ARHGAP35: variants seen among roughly 807,000 people sequenced by gnomAD.
The protein encoded by ARHGAP35 is rho GTPase-activating protein 35.
A neutral mutation model predicts 111.1 loss-of-function variants in ARHGAP35; 15 were observed. That is an observed-to-expected ratio of 0.13 (90% CI 0.09 to 0.21). The LOEUF (loss-of-function observed/expected upper bound fraction) is 0.21, where lower values mean the gene tolerates loss of function less well. Ranked by LOEUF, ARHGAP35 falls within the 10% of genes least tolerant of loss-of-function variation. The pLI is 1.00. For missense variants in ARHGAP35, 1,262 were observed against 1,873.0 expected (o/e 0.67, Z 6.02); for synonymous variants, 643 against 710.3 (o/e 0.91, Z 1.51).
intron 1 of ARHGAP35, among the ~76,000 whole-genome samples, chr19:46,881,227 A>G (rs779961989): frequency 2.0e-5 from 3 of 152,142 alleles, no homozygotes; most frequent in Non-Finnish European, 4.4e-5. Context: ...GGCGTGAGCC[A>G]CTGCGTCCAG....
At chr19:46,943,039 ATT>A (rs79252272) in intron 3 of ARHGAP35, among the ~76,000 whole-genome samples, 30 of 141,210 alleles carry the variant, frequency 2.1e-4, no homozygotes, top group Middle Eastern at 3.7e-3. Flanking sequence ...TAATAATGTG[ATT>A]TTTTTTTTTT....
At chr19:46,903,310 G>A (rs886097655) in intron 1 of ARHGAP35, among the ~76,000 whole-genome samples, 6 of 152,098 alleles carry the variant, frequency 3.9e-5, no homozygotes, top group Non-Finnish European at 5.9e-5. Flanking sequence ...AGTCAGAGTC[G>A]GTCTGCTGAC....
Position 46,962,465 on chromosome 19 carries a change from G to A in ARHGAP35, c.3826+25057G>A, listed in dbSNP as rs184118280. Reference sequence around the variant, plus strand: ...TCAGAGCCAGCTCATGTGTCAAATGGAATTTCTGGTTTTATAGCTTATGCT... The same window carrying A: ...TCAGAGCCAGCTCATGTGTCAAATGAAATTTCTGGTTTTATAGCTTATGCT... On this transcript the variant is annotated intron_variant, in intron 3 of 6. Coordinates refer to ENST00000672722, the MANE Select transcript of ARHGAP35 (RefSeq NM_004491.5). Among the ~76,000 whole-genome samples the A allele has an allele frequency of 3.3e-5, 5 of 152,328 alleles. No homozygotes were observed. In the East Asian group the frequency reaches 9.6e-4, roughly 29 times the overall value.
In ARHGAP35 at chr19:46,888,290, ATATATATATATATATATATATATATAT is replaced by A. The variant is rs2056004470; in HGVS notation, c.-189+27082_-189+27108del. ...TATATATATATATATATATATATATATATATATATATATATATATATATATATAAAATATTGATTTTATACACACACA... is the reference window on the plus strand; with the variant it reads ...TATATATATATATATATATATATATAAAAATATTGATTTTATACACACACA... On this transcript the variant is annotated intron_variant, in intron 1 of 6. Transcript: ENST00000672722. Among the ~76,000 whole-genome samples the A allele has an allele frequency of 2.9e-4, 18 of 61,902 alleles. 2 individuals carry two copies. Among genetic ancestry groups the A allele is most frequent in the South Asian group, 4.5e-4 (1 of 2,208 alleles). 40.6% of individuals were successfully genotyped at this position (61,902 alleles called of 152,430 possible). A position where few individuals can be genotyped will look rare whatever the true frequency, so the allele number is the denominator to read the frequency against.
chr19:46,926,226 C>T lies in ARHGAP35; in HGVS notation c.3681+3870C>T, dbSNP rs999535481. Among the ~76,000 whole-genome samples, 2 of 152,202 alleles carry T rather than the reference C, an allele frequency of 1.3e-5. No individual in the cohort carries two copies. Among genetic ancestry groups the T allele is most frequent in the African/African-American group, 4.8e-5 (2 of 41,436 alleles). On this transcript the variant is annotated intron_variant, in intron 2 of 6. Coordinates refer to ENST00000672722, the MANE Select transcript of ARHGAP35 (RefSeq NM_004491.5). This position sits in a 1 kb window ranked among gnomAD's most constrained non-coding sequence, Gnocchi z 4.1. ...GAGTGAGGGAATCGCTTTCATTTCTCCTCATGAAAGTGCAGACTGTAAAGC... is the reference window on the plus strand; with the variant it reads ...GAGTGAGGGAATCGCTTTCATTTCTTCTCATGAAAGTGCAGACTGTAAAGC...
At chr19:46,902,374 A>G (rs941411220) in intron 1 of ARHGAP35, among the ~76,000 whole-genome samples, 1 of 152,186 alleles carries the variant, frequency 6.6e-6, no homozygotes, top group African/African-American at 2.4e-5. Flanking sequence ...AAGCAATCAT[A>G]TATAAAACTT....
At position 46,878,004 on chromosome 19, in the gene ARHGAP35, G is replaced by A. The variant is rs143387107; in HGVS notation, c.-189+16795G>A. On this transcript the variant is annotated intron_variant, in intron 1 of 6. Transcript: ENST00000672722. ...ATTACAGGCATTAGCCACCGCTCCCGGCCTAAATTTTTTCATTTTTTAAGT... is the reference window on the plus strand; with the variant it reads ...ATTACAGGCATTAGCCACCGCTCCCAGCCTAAATTTTTTCATTTTTTAAGT... Among the ~76,000 whole-genome samples, 7 of 151,900 alleles carry A rather than the reference G, an allele frequency of 4.6e-5. No homozygotes were observed. The East Asian group carries it at 9.7e-4, about 21-fold the overall frequency.
chr19:46,896,596 T>G (rs997922916), intron 1 of ARHGAP35, among the ~76,000 whole-genome samples: 2 of 152,176 alleles, frequency 1.3e-5, no homozygotes, highest in Non-Finnish European at 2.9e-5. Flanking sequence ...GCAGCAGCTG[T>G]TTTTGTCCAT....
intron 1 of ARHGAP35, among the ~76,000 whole-genome samples, chr19:46,907,154 T>C (rs2056113196): frequency 6.6e-6 from 1 of 152,174 alleles, no homozygotes; most frequent in South Asian, 2.1e-4. Flanking sequence ...ATAATAAATT[T>C]TGTTTGTTTT....
chr19:46,988,420 G>T lies in ARHGAP35; in HGVS notation c.3904+354G>T, dbSNP rs1046014836. On this transcript the variant is annotated intron_variant, in intron 4 of 6. Coordinates refer to ENST00000672722, the MANE Select transcript of ARHGAP35 (RefSeq NM_004491.5). This position sits in a 1 kb window ranked among gnomAD's most constrained non-coding sequence, Gnocchi z 5.4. ...GTTGCAGGCACATGATATACAAGTC[G>T]GGTTGAGATGTGATCCTGTTTTGCC... is the stretch of plus-strand genomic sequence containing the variant. 2 of 257,282 alleles carry T rather than the reference G, an allele frequency of 7.8e-6. No individual in the cohort carries two copies. Among genetic ancestry groups the T allele is most frequent in the Non-Finnish European group, 1.6e-5 (2 of 128,892 alleles). The allele number at this position is 257,282 out of a possible 1,614,324, so 15.9% of individuals were successfully genotyped here. A position where few individuals can be genotyped will look rare whatever the true frequency, so the allele number is the denominator to read the frequency against.
intron 1 of ARHGAP35, among the ~76,000 whole-genome samples, chr19:46,910,885 C>G (rs2056134369): frequency 6.6e-6 from 1 of 152,000 alleles, no homozygotes; most frequent in Non-Finnish European, 1.5e-5. Flanking sequence ...ACCACTATGC[C>G]CAGCCTAAAT....
At chr19:46,954,712 TA>T (rs1004322341) in intron 3 of ARHGAP35, among the ~76,000 whole-genome samples, 1 of 152,254 alleles carries the variant, frequency 6.6e-6, no homozygotes, top group Non-Finnish European at 1.5e-5. Flanking sequence ...CAACAGTTTT[TA>T]AAAAACAAAC....
intron 1 of ARHGAP35, among the ~76,000 whole-genome samples, chr19:46,880,982 T>C (rs2055959670): frequency 6.7e-6 from 1 of 149,362 alleles, no homozygotes; most frequent in Non-Finnish European, 1.5e-5. Context: ...GGAGTCTCTG[T>C]CACTCAGGCT....
intron 1 of ARHGAP35, among the ~76,000 whole-genome samples, chr19:46,902,994 C>T (rs2056089316): frequency 6.6e-6 from 1 of 152,166 alleles, no homozygotes; most frequent in African/African-American, 2.4e-5. Flanking sequence ...TGTGCCCACA[C>T]CTGTACCCTT....
At chr19:46,892,461 C>G (rs2056030209) in intron 1 of ARHGAP35, among the ~76,000 whole-genome samples, 2 of 146,486 alleles carry the variant, frequency 1.4e-5, no homozygotes, top group South Asian at 2.2e-4. Context: ...ACAGTGAAAC[C>G]CTGTCTCAAA....
At chr19:46,923,808 C>A (rs996572953) in intron 2 of ARHGAP35, among the ~76,000 whole-genome samples, 2 of 151,660 alleles carry the variant, frequency 1.3e-5, no homozygotes, top group Admixed American at 6.6e-5. Flanking sequence ...ATAGTCCCAG[C>A]TACTCAGGAG....
intron 2 of ARHGAP35, among the ~76,000 whole-genome samples, chr19:46,936,322 CTGCTGCTGCTAG>C (rs2056306963): frequency 6.6e-6 from 1 of 152,154 alleles, no homozygotes; most frequent in African/African-American, 2.4e-5. Context: ...GCTGCTGCTA[CTGCTGCTGCTAG>C]TACTTCTTGA....
chr19:46,894,737 C>T (rs969560052), intron 1 of ARHGAP35, among the ~76,000 whole-genome samples: 2 of 152,132 alleles, frequency 1.3e-5, no homozygotes, highest in Admixed American at 6.6e-5. Flanking sequence ...CAAGCCACCA[C>T]GCCCGGCCAT....
chr19:46,948,470 C>T (rs2056393433), intron 3 of ARHGAP35: 1 of 152,246 alleles, frequency 6.6e-6, no homozygotes, highest in African/African-American at 2.4e-5. Context: ...GACTTGTACT[C>T]AGCTGTTTCT....
Sources: allele counts gnomAD v4.1 joint callset (sites outside exome capture counted in the v4.1 genomes callset), GRCh38; gene constraint gnomAD v4.1.1; non-coding constraint Gnocchi (gnomAD v3.1); transcripts MANE v1.5; gene names NCBI Gene and HGNC (gene_info 2026-07-23, HGNC 2026-07-21).